Variants in MBD5 observed in about 807,000 individuals in gnomAD.
The protein encoded by MBD5 is methyl-CpG-binding domain protein 5.
A neutral mutation model predicts 117.3 loss-of-function variants in MBD5; 13 were observed. The observed-to-expected ratio is 0.11, with a 90% confidence interval of 0.07 to 0.18. The LOEUF is 0.18. Ranked by LOEUF, MBD5 falls within the 10% of genes least tolerant of loss-of-function variation. The pLI is 1.00. For synonymous variants in MBD5, 727 were observed against 766.4 expected (o/e 0.95, Z 0.85); for missense variants, 1,879 against 2,093.8 (o/e 0.90, Z 2.00).
chr2:148,393,319 C>T (rs1045851096), intron 4 of MBD5: 5 of 152,144 alleles, frequency 3.3e-5, no homozygotes. Flanking sequence ...ATCTCCTCTT[C>T]AACTACCTAC....
At chr2:148,061,644 G>T (rs938593926) in intron 1 of MBD5, among the ~76,000 whole-genome samples, 1 of 151,942 alleles carries the variant, frequency 6.6e-6, no homozygotes, top group Admixed American at 6.5e-5. Context: ...GTGTGTGTGT[G>T]TGTGTCATCT....
chr2:148,032,062 T>G (rs1446477795), intron 1 of MBD5, among the ~76,000 whole-genome samples: 1 of 152,106 alleles, frequency 6.6e-6, no homozygotes, highest in Non-Finnish European at 1.5e-5. Flanking sequence ...GTTTAAAGAG[T>G]TCTAATATGG....
At chr2:148,370,860 A>G (rs1013419146) in intron 4 of MBD5, among the ~76,000 whole-genome samples, 27 of 152,316 alleles carry the variant, frequency 1.8e-4, no homozygotes, top group African/African-American at 6.5e-4. Flanking sequence ...ACAGATTCAG[A>G]TAGTACCTGC....
intron 4 of MBD5, among the ~76,000 whole-genome samples, chr2:148,422,492 A>T (rs1705641309): frequency 6.6e-6 from 1 of 152,194 alleles, no homozygotes; most frequent in Admixed American, 6.5e-5. Context: ...CAGCGCAAAA[A>T]GGCTGAAAAT....
intron 4 of MBD5, among the ~76,000 whole-genome samples, chr2:148,363,501 G>C (rs530588470): frequency 1.3e-5 from 2 of 152,132 alleles, no homozygotes; most frequent in African/African-American, 4.8e-5. Context: ...CCAAAGTGCT[G>C]GGATTACAGG....
At position 148,453,465 on chromosome 2, in the gene MBD5, C is replaced by A. The variant is rs181297140; in HGVS notation, c.-556-4738C>A. On this transcript the variant is annotated intron_variant, in intron 4 of 13. Coordinates refer to ENST00000642680, the MANE Select transcript of MBD5 (RefSeq NM_001378120.1). ...ACTTTGCATCTCATTATTATTGCTA[C>A]TGTTTGTGAAATAAATATAAATTAA... Among the ~76,000 whole-genome samples, 692 of 152,110 alleles carry A rather than the reference C, an allele frequency of 4.5e-3. 7 individuals are homozygous for A. The highest frequency in any genetic ancestry group is 0.016 in the African/African-American group (654 of 41,522).
chr2:148,028,932 A>G (rs936350262), intron 1 of MBD5, among the ~76,000 whole-genome samples: 3 of 152,112 alleles, frequency 2.0e-5, no homozygotes, highest in African/African-American at 7.2e-5. Context: ...CATTTTAGAC[A>G]ATGTAATCTA....
intron 1 of MBD5, among the ~76,000 whole-genome samples, chr2:148,069,344 C>T (rs1262465250): frequency 6.6e-6 from 1 of 151,738 alleles, no homozygotes; most frequent in Non-Finnish European, 1.5e-5. Flanking sequence ...AATACATATT[C>T]ATCAACATTG....
At chr2:148,367,257 G>C (rs1441750402) in intron 4 of MBD5, among the ~76,000 whole-genome samples, 2 of 152,140 alleles carry the variant, frequency 1.3e-5, no homozygotes, top group Non-Finnish European at 2.9e-5. Context: ...ATGGCGTTGG[G>C]AAAACCAGCT....
At chr2:148,269,227 C>A (rs191633223) in intron 3 of MBD5, among the ~76,000 whole-genome samples, 6 of 151,928 alleles carry the variant, frequency 3.9e-5, no homozygotes, top group African/African-American at 1.4e-4. Context: ...TTATTCACCT[C>A]TTATTTTTCT....
At chr2:148,221,686 A>G (rs887313843) in intron 2 of MBD5, among the ~76,000 whole-genome samples, 8 of 151,994 alleles carry the variant, frequency 5.3e-5, no homozygotes, top group African/African-American at 9.7e-5. Flanking sequence ...GTAGTTTGCA[A>G]ATATTTTCTC....
At chr2:148,087,262 C>G (rs539155686) in intron 1 of MBD5, among the ~76,000 whole-genome samples, 1 of 152,196 alleles carries the variant, frequency 6.6e-6, no homozygotes, top group East Asian at 1.9e-4. Flanking sequence ...GGCTGGAGGC[C>G]AACCAACTCA....
intron 4 of MBD5, among the ~76,000 whole-genome samples, chr2:148,362,071 A>G (rs185346144): frequency 2.4e-4 from 37 of 152,326 alleles, no homozygotes; most frequent in South Asian, 8.3e-4. Flanking sequence ...CATTTGGGCA[A>G]ACACCGAGCT....
At chr2:148,128,469 C>T (rs1044975235) in intron 1 of MBD5, among the ~76,000 whole-genome samples, 1 of 152,066 alleles carries the variant, frequency 6.6e-6, no homozygotes, top group Non-Finnish European at 1.5e-5. Context: ...AGAGTTGGAG[C>T]AAAAACTAAG....
At chr2:148,215,855 T>C (rs1699540626) in intron 2 of MBD5, among the ~76,000 whole-genome samples, 1 of 152,006 alleles carries the variant, frequency 6.6e-6, no homozygotes, top group Non-Finnish European at 1.5e-5. Flanking sequence ...GGAAGAATTT[T>C]TAATGAATAT....
At chr2:148,214,207 A>G (rs1046878937) in intron 2 of MBD5, among the ~76,000 whole-genome samples, 3 of 152,178 alleles carry the variant, frequency 2.0e-5, no homozygotes, top group Admixed American at 6.5e-5. Context: ...CCAGACGGTA[A>G]TATTTTAGGA....
chr2:148,473,679 G>A (rs1680867013), intron 8 of MBD5, among the ~76,000 whole-genome samples: 1 of 152,104 alleles, frequency 6.6e-6, no homozygotes, highest in Non-Finnish European at 1.5e-5. Flanking sequence ...GCCTATATGT[G>A]AATTCTATGG....
At chr2:148,364,307 C>G (rs1356144917) in intron 4 of MBD5, among the ~76,000 whole-genome samples, 1 of 152,158 alleles carries the variant, frequency 6.6e-6, no homozygotes, top group Non-Finnish European at 1.5e-5. Context: ...GAGATTTTGT[C>G]ACCACCAGGC....
At chr2:148,212,600 ATATATGTG>A (rs1699453200) in intron 2 of MBD5, among the ~76,000 whole-genome samples, 2 of 152,188 alleles carry the variant, frequency 1.3e-5, no homozygotes, top group Admixed American at 6.5e-5. Context: ...GTGTGTATGT[ATATATGTG>A]TATGTTTTAA....
Sources: allele counts gnomAD v4.1 joint callset (sites outside exome capture counted in the v4.1 genomes callset), GRCh38; gene constraint gnomAD v4.1.1; transcripts MANE v1.5; gene names NCBI Gene and HGNC (gene_info 2026-07-23, HGNC 2026-07-21).